The following SLC2A5 variants were observed in gnomAD, a reference collection of about 807,000 sequenced individuals.
The protein encoded by SLC2A5 is solute carrier family 2 member 5, also known as solute carrier family 2, facilitated glucose transporter member 5.
In SLC2A5, 56 loss-of-function variants were observed where a neutral mutation model predicts 50.3. The ratio of observed to expected loss-of-function variants is 1.11; its 90% CI spans 0.90 to 1.39. The LOEUF (loss-of-function observed/expected upper bound fraction) is 1.39. Ranked by LOEUF, SLC2A5 falls within the 40% of genes most tolerant of loss-of-function variation. SLC2A5 has a pLI of 0.00. For missense variants in SLC2A5, 566 were observed against 650.1 expected (o/e 0.87, Z 1.41); for synonymous variants, 269 against 281.9 (o/e 0.95, Z 0.46).
intron 2 of SLC2A5, among the ~76,000 whole-genome samples, chr1:9,083,834 GAAAC>G (rs747109567): frequency 2.1e-5 from 3 of 146,334 alleles, no homozygotes; most frequent in Admixed American, 6.9e-5. Context: ...TCAAAACAAA[GAAAC>G]AAACAAACAA....
rs1416919220 is a variant in SLC2A5, at chr1:9,059,132, C to CTTTTTT, written c.34-883_34-882insAAAAAA. ...TCTACTCTGATGGACAGCCGCCTTT[C>CTTTTTT]TTTCTTTTTTTTTTTTTTTTTTTTT... On this transcript the variant is annotated intron_variant, in intron 1 of 11. Coordinates refer to ENST00000377424, the MANE Select transcript of SLC2A5 (RefSeq NM_003039.3). 2.3e-3 allele frequency among the ~76,000 whole-genome samples: 188 copies of CTTTTTT among 80,326 alleles called. 8 individuals carry two copies. Among genetic ancestry groups the CTTTTTT allele is most frequent in the South Asian group, 4.7e-3 (8 of 1,714 alleles). 52.7% of individuals were successfully genotyped at this position (80,326 alleles called of 152,430 possible).
At chr1:9,071,214 AG>A (rs1642204271), upstream of SLC2A5, among the ~76,000 whole-genome samples, 1 of 152,192 alleles carries the variant, frequency 6.6e-6, no homozygotes, top group African/African-American at 2.4e-5. Flanking sequence ...GTTCGAGACC[AG>A]TCTGACCAAC....
At chr1:9,083,834 G>GAAAC (rs747109567) in intron 2 of SLC2A5, among the ~76,000 whole-genome samples, 3 of 146,334 alleles carry the variant, frequency 2.1e-5, no homozygotes, top group Non-Finnish European at 4.5e-5. Flanking sequence ...TCAAAACAAA[G>GAAAC]AAACAAACAA....
intron 2 of SLC2A5, among the ~76,000 whole-genome samples, chr1:9,084,257 C>G (rs1354896147): frequency 1.3e-5 from 2 of 152,212 alleles, no homozygotes; most frequent in Non-Finnish European, 2.9e-5. Flanking sequence ...GAAACCCTCA[C>G]CTTTTTCCAG....
rs1445082398 is a variant in SLC2A5, at chr1:9,036,646, C to T, written c.*940G>A. 6 of 152,104 alleles carry T rather than the reference C, an allele frequency of 3.9e-5. No homozygotes were observed. Among genetic ancestry groups the T allele is most frequent in the East Asian group, 1.9e-4 (1 of 5,182 alleles). 9.4% of individuals were successfully genotyped at this position (152,104 alleles called of 1,614,324 possible). A position where few individuals can be genotyped will look rare whatever the true frequency, so the allele number is the denominator to read the frequency against. On this transcript the variant is annotated 3_prime_UTR_variant, in exon 12 of 12. Coordinates refer to ENST00000377424, the MANE Select transcript of SLC2A5 (RefSeq NM_003039.3). ...ATGAGGTCAGGAGATTGAGACTATC[C>T]TGGCCAACACAGTGAAACCCAGTCT...
At chr1:9,082,625 A>T (rs578154545) in intron 2 of SLC2A5, 1 of 158,980 alleles carries the variant, frequency 6.3e-6, no homozygotes, top group Non-Finnish European at 1.4e-5. Flanking sequence ...AGACAGAAAA[A>T]GGTTGCATAT....
upstream of SLC2A5, among the ~76,000 whole-genome samples, chr1:9,070,485 A>G (rs1642192182): frequency 6.6e-6 from 1 of 152,126 alleles, no homozygotes; most frequent in Non-Finnish European, 1.5e-5. Context: ...CTTTCCAGGC[A>G]GGGCAGGGAA....
chr1:9,063,317 C>G (rs1158139766), intron 1 of SLC2A5, among the ~76,000 whole-genome samples: 1 of 151,956 alleles, frequency 6.6e-6, no homozygotes, highest in Non-Finnish European at 1.5e-5. Flanking sequence ...TCCCAAAGTG[C>G]TGGTATTACA....
rs1359691924 is a variant in SLC2A5 at position 9,053,096 on chromosome 1, AT to A, written c.293+4351del. ...ATTTATATATTAATATATAATATATATTTATATATAATATATATTATATATT... is the reference window on the plus strand; with the variant it reads ...ATTTATATATTAATATATAATATATATTATATATAATATATATTATATATT... On this transcript the variant is annotated intron_variant, in intron 3 of 11. Transcript: ENST00000377424. Among the ~76,000 whole-genome samples, 30 of 112,076 alleles carry A rather than the reference AT, an allele frequency of 2.7e-4. 1 individual carries two copies. Among genetic ancestry groups the A allele is most frequent in the East Asian group, 1.8e-3 (8 of 4,458 alleles). The allele number at this position is 112,076 out of a possible 152,430, so 73.5% of individuals were successfully genotyped here. A position where few individuals can be genotyped will look rare whatever the true frequency, so the allele number is the denominator to read the frequency against.
rs148393292 is a variant in SLC2A5 at position 9,061,858 on chromosome 1, G to A, written c.34-3608C>T. ...GGGGTTCTGCCAGGCACCATGGAGA[G>A]CCAGCTCCCTGACCGCTTTGATGGG... On this transcript the variant is annotated intron_variant, in intron 1 of 11. Coordinates refer to ENST00000377424, the MANE Select transcript of SLC2A5 (RefSeq NM_003039.3). Among the ~76,000 whole-genome samples the A allele has an allele frequency of 4.8e-4, 73 of 152,326 alleles. 1 individual carries two copies. The East Asian group carries it at 0.012, about 25-fold the overall frequency.
At chr1:9,073,273 T>C (rs1465600400), upstream of SLC2A5, among the ~76,000 whole-genome samples, 1 of 152,234 alleles carries the variant, frequency 6.6e-6, no homozygotes, top group African/African-American at 2.4e-5. Context: ...TCTGTAGTAA[T>C]AGAATTGGGA....
intron 1 of SLC2A5, among the ~76,000 whole-genome samples, chr1:9,060,860 A>G (rs2124424647): frequency 6.6e-6 from 1 of 151,756 alleles, no homozygotes; most frequent in South Asian, 2.1e-4. Flanking sequence ...CATTGCTCTA[A>G]GTGTTGGGGA....
At chr1:9,058,096 A>C (rs1324470571) in intron 2 of SLC2A5, 56 bp downstream of exon 2, 1 of 1,344,692 alleles carries the variant, frequency 7.4e-7, no homozygotes, top group East Asian at 2.3e-5. Flanking sequence ...AGTCCCACCC[A>C]GGCAATGGGC....
intron 5 of SLC2A5, chr1:9,041,457 G>C (rs1165387551): frequency 2.3e-6 from 3 of 1,303,802 alleles, no homozygotes; most frequent in Non-Finnish European, 2.9e-6. Context: ...CAAGCACAGA[G>C]CCTGGCACAC....
chr1:9,042,358 T>A (rs1641324526), intron 4 of SLC2A5, among the ~76,000 whole-genome samples: 1 of 152,084 alleles, frequency 6.6e-6, no homozygotes, highest in South Asian at 2.1e-4. Context: ...GTCAGGAGTT[T>A]GAGACCAGCC....
rs572366639 is a variant in SLC2A5, at chr1:9,065,634, G to C, written c.33+3870C>G. On this transcript the variant is annotated intron_variant, in intron 1 of 11. Transcript: ENST00000377424. Reference sequence around the variant, plus strand: ...TTCTGGAGCCCAGGAGTGTGGGCTCGAAGCCTGGCTCTGCTGGGCTGTGTG... The same window carrying C: ...TTCTGGAGCCCAGGAGTGTGGGCTCCAAGCCTGGCTCTGCTGGGCTGTGTG... 1.5e-4 allele frequency among the ~76,000 whole-genome samples: 23 copies of C among 152,198 alleles called. No individual in the cohort carries two copies. In the East Asian group the frequency reaches 4.3e-3, roughly 28 times the overall value.
intron 1 of SLC2A5, among the ~76,000 whole-genome samples, chr1:9,069,166 G>A (rs544859688): frequency 4.7e-4 from 72 of 152,284 alleles, no homozygotes; most frequent in African/African-American, 1.5e-3. Context: ...AAAGCAGAGC[G>A]AAACATCTCA....
intron 1 of SLC2A5, among the ~76,000 whole-genome samples, chr1:9,066,794 A>G (rs1642093917): frequency 1.3e-5 from 2 of 151,560 alleles, no homozygotes; most frequent in South Asian, 4.2e-4. Context: ...CAGCCTGGGT[A>G]TAGTGAGACC....
intron 4 of SLC2A5, among the ~76,000 whole-genome samples, chr1:9,042,703 A>G (rs529540073): frequency 2.0e-5 from 3 of 151,256 alleles, no homozygotes; most frequent in African/African-American, 7.3e-5. Context: ...ATGTATATAT[A>G]TGGCATGTGT....
Sources: gnomAD v4.1 joint callset for allele counts (sites outside exome capture counted in the v4.1 genomes callset) on GRCh38, gnomAD v4.1.1 for gene constraint, MANE v1.5 for transcripts, NCBI Gene and HGNC (gene_info 2026-07-23, HGNC 2026-07-21) for gene names.